MEIS3: variants seen among roughly 807,000 people sequenced by gnomAD.
MEIS3 encodes the protein homeobox protein Meis3.
A neutral mutation model predicts 51.4 loss-of-function variants in MEIS3; 38 were observed. The observed-to-expected ratio is 0.74, with a 90% confidence interval of 0.57 to 0.97. The LOEUF (loss-of-function observed/expected upper bound fraction) is 0.97, where lower values mean the gene tolerates loss of function less well. Ranked by LOEUF, MEIS3 falls within the 50% of genes least tolerant of loss-of-function variation. MEIS3 has a pLI of 0.00. For synonymous variants in MEIS3, 198 were observed against 201.8 expected, an observed-to-expected ratio of 0.98 and a Z score of 0.16; for missense variants, 456 against 502.6, an observed-to-expected ratio of 0.91 and a Z score of 0.89.
intron 11 of MEIS3, 150 bp downstream of exon 11, chr19:47,406,738 G>T: frequency 2.4e-6 from 2 of 848,714 alleles, no homozygotes; most frequent in Non-Finnish European, 3.6e-6. Context: ...AAAGATGGGG[G>T]ACCAGGAAAT....
chr19:47,407,679 A>T, intron 8 of MEIS3: 2 of 801,348 alleles, frequency 2.5e-6, no homozygotes, highest in Non-Finnish European at 3.5e-6. Context: ...CTGATTAGAG[A>T]GACTGTGTTG....
At chr19:47,408,784 G>C (rs1034657828) in intron 8 of MEIS3, among the ~76,000 whole-genome samples, 1 of 152,098 alleles carries the variant, frequency 6.6e-6, no homozygotes, top group Admixed American at 6.6e-5. Context: ...CTCCTCACCT[G>C]TTAAATGGAG....
At position 47,416,823 on chromosome 19, in the gene MEIS3, A is replaced by ATGTCC. The variant is rs1971441217; in HGVS notation, c.321_325dup (p.Ile109ArgfsTer26). On this transcript the variant is annotated frameshift_variant, in exon 3 of 13. Transcript: ENST00000558555. LOFTEE classifies it high-confidence loss of function. ...GCCCACCTGCTTGGCAAAGGCAGCG[A>ATGTCC]TGTCCTCGTTGAAGGAATCAGAGGA... 6.2e-7 allele frequency: 1 copy of ATGTCC among 1,613,676 alleles called. No individual in the cohort carries two copies. The highest frequency in any genetic ancestry group is 1.1e-5 in the South Asian group (1 of 91,080).
intron 12 of MEIS3, 29 bp downstream of exon 12, chr19:47,406,431 C>T (rs749545523): frequency 1.3e-6 from 2 of 1,593,698 alleles, no homozygotes; most frequent in Middle Eastern, 2.0e-4. Flanking sequence ...TTGAGAATTG[C>T]ACAATCCCCA....
Position 47,414,878 on chromosome 19 carries a change from C to T in MEIS3, c.448-12G>A, listed in dbSNP as rs753861046. The T allele has an allele frequency of 2.9e-5, 45 of 1,542,948 alleles. No individual in the cohort carries two copies. The highest frequency in any genetic ancestry group is 3.9e-5 in the Non-Finnish European group (44 of 1,133,916). Reference sequence around the variant, plus strand: ...CACAGGTCGTGGACCTGGGGGGGCACCGGGGTACTGGGGGGGGCCACCCAC... The same window carrying T: ...CACAGGTCGTGGACCTGGGGGGGCATCGGGGTACTGGGGGGGGCCACCCAC... On this transcript the variant is annotated splice_polypyrimidine_tract_variant and intron_variant, in intron 5 of 12. Transcript: ENST00000558555.
chr19:47,422,220 A>ACCCG (rs1568435005), upstream of MEIS3, among the ~76,000 whole-genome samples: 3 of 151,008 alleles, frequency 2.0e-5, no homozygotes. Flanking sequence ...GGCGGGAAGG[A>ACCCG]CCCGGCCTGA....
At chr19:47,416,564 C>T in intron 4 of MEIS3, 88 bp downstream of exon 4, 1 of 1,155,124 alleles carries the variant, frequency 8.7e-7, no homozygotes, top group Non-Finnish European at 1.2e-6. Flanking sequence ...GGCCTTCTCT[C>T]TGCACCCCCC....
intron 4 of MEIS3, 80 bp downstream of exon 4, chr19:47,416,572 C>A: frequency 8.2e-7 from 1 of 1,219,192 alleles, no homozygotes; most frequent in Non-Finnish European, 1.1e-6. Flanking sequence ...CTCTGCACCC[C>A]CCCCACCAAC....
At chr19:47,406,070 G>A (rs865921002) in intron 12 of MEIS3, 1 of 172,496 alleles carries the variant, frequency 5.8e-6, no homozygotes, top group East Asian at 1.7e-4. Context: ...GGTCAGTGTG[G>A]AGGTAGATGG....
At chr19:47,410,340 C>T (rs1167080679) in intron 6 of MEIS3, among the ~76,000 whole-genome samples, 1 of 150,786 alleles carries the variant, frequency 6.6e-6, no homozygotes, top group African/African-American at 2.4e-5. Flanking sequence ...CCCAGCTACT[C>T]GGGAGGCTGA....
intron 6 of MEIS3, among the ~76,000 whole-genome samples, chr19:47,414,341 C>T (rs980000405): frequency 2.0e-5 from 3 of 152,072 alleles, no homozygotes; most frequent in African/African-American, 7.2e-5. Context: ...CGGAACCCGG[C>T]TGTGTGTTCT....
At chr19:47,420,940 A>ACACACACTCTCTCTCT (rs1187725467), upstream of MEIS3, among the ~76,000 whole-genome samples, 138 of 90,908 alleles carry the variant, frequency 1.5e-3, no homozygotes, top group East Asian at 2.5e-3. Context: ...ACACACACAC[A>ACACACACTCTCTCTCT]CTCTCTCTCT....
chr19:47,417,600 G>C, intron 1 of MEIS3: 1 of 703,636 alleles, frequency 1.4e-6, no homozygotes, highest in South Asian at 1.5e-5. Context: ...CCCAGAGGGA[G>C]AGACGGCAGG....
At chr19:47,417,400 C>G (rs1268931455) in intron 1 of MEIS3, 50 bp from the exon 2 acceptor site, 1 of 1,604,130 alleles carries the variant, frequency 6.2e-7, no homozygotes, top group Non-Finnish European at 8.5e-7. Flanking sequence ...GGGGTCAGCA[C>G]CCCGAGACTC....
chr19:47,416,570 C>G (rs574974692), intron 4 of MEIS3, 82 bp downstream of exon 4: 1 of 1,198,520 alleles, frequency 8.3e-7, no homozygotes, highest in Non-Finnish European at 1.2e-6. Context: ...CTCTCTGCAC[C>G]CCCCCCACCA....
chr19:47,420,936 A>ACTCTCTCTCTCTCTCT (rs1160473837), upstream of MEIS3, among the ~76,000 whole-genome samples: 1 of 93,984 alleles, frequency 1.1e-5, no homozygotes, highest in Admixed American at 1.0e-4. Flanking sequence ...ACACACACAC[A>ACTCTCTCTCTCTCTCT]CACACTCTCT....
At chr19:47,403,855 A>G (rs1420874676) in intron 12 of MEIS3, among the ~76,000 whole-genome samples, 2 of 152,106 alleles carry the variant, frequency 1.3e-5, no homozygotes, top group Non-Finnish European at 2.9e-5. Flanking sequence ...AGAGAACGAC[A>G]TGGGAAGAGA....
chr19:47,405,710 T>C (rs1970783310), intron 12 of MEIS3, among the ~76,000 whole-genome samples: 1 of 151,868 alleles, frequency 6.6e-6, no homozygotes, highest in East Asian at 1.9e-4. Flanking sequence ...CCACCACACC[T>C]GGCTAATTTT....
chr19:47,411,231 A>T (rs1971117824), intron 6 of MEIS3, among the ~76,000 whole-genome samples: 1 of 152,066 alleles, frequency 6.6e-6, no homozygotes, highest in Non-Finnish European at 1.5e-5. Flanking sequence ...CCACTGCGCC[A>T]GGCCCATTTC....
Sources: gnomAD v4.1 joint callset for allele counts (sites outside exome capture counted in the v4.1 genomes callset) on GRCh38, gnomAD v4.1.1 for gene constraint, MANE v1.5 for transcripts, NCBI Gene and HGNC (gene_info 2026-07-23, HGNC 2026-07-21) for gene names.